Variants in CDH13 observed in about 807,000 individuals in gnomAD.
CDH13 encodes the protein cadherin 13.
In CDH13, 24 loss-of-function variants were observed where a neutral mutation model predicts 63.8. The observed-to-expected ratio is 0.38, with a 90% CI of 0.27 to 0.53. The LOEUF (loss-of-function observed/expected upper bound fraction) is 0.53, where lower values mean the gene tolerates loss of function less well. Ranked by LOEUF, CDH13 falls within the 20% of genes least tolerant of loss-of-function variation. CDH13 has a pLI of 0.85. For missense variants in CDH13, 1,049 were observed against 903.1 expected (o/e 1.16, Z -2.07); for synonymous variants, 503 against 355.3 (o/e 1.42, Z -4.67).
chr16:83,771,362 A>C (rs1415605968), intron 11 of CDH13, among the ~76,000 whole-genome samples: 7 of 152,206 alleles, frequency 4.6e-5, no homozygotes, highest in Admixed American at 4.6e-4. Context: ...TACAAGGTTA[A>C]TTATTGGAGT....
intron 2 of CDH13, among the ~76,000 whole-genome samples, chr16:82,872,297 A>T (rs1021705329): frequency 1.3e-5 from 2 of 152,188 alleles, no homozygotes; most frequent in Non-Finnish European, 2.9e-5. Flanking sequence ...CTTAATTAAG[A>T]CTATCAAATT....
chr16:83,169,697 G>A (rs981074412), intron 4 of CDH13, among the ~76,000 whole-genome samples: 6 of 152,060 alleles, frequency 3.9e-5, no homozygotes, highest in African/African-American at 1.4e-4. Context: ...TCTCTTGCCT[G>A]TCATATGTTT....
intron 5 of CDH13, among the ~76,000 whole-genome samples, chr16:83,292,194 G>A (rs192275283): frequency 4.6e-5 from 7 of 152,236 alleles, no homozygotes; most frequent in African/African-American, 1.4e-4. Flanking sequence ...ACATAGATAT[G>A]GGCAAAACCC....
intron 11 of CDH13, among the ~76,000 whole-genome samples, chr16:83,749,274 G>A (rs968261086): frequency 6.6e-6 from 1 of 152,038 alleles, no homozygotes; most frequent in African/African-American, 2.4e-5. Flanking sequence ...TCGTATGCCG[G>A]CTACTCACAC....
intron 3 of CDH13, among the ~76,000 whole-genome samples, chr16:83,091,375 A>G (rs1043709623): frequency 8.5e-5 from 13 of 152,154 alleles, no homozygotes; most frequent in East Asian, 3.9e-4. Flanking sequence ...TTCCCATTCA[A>G]TGTAGTTTGA....
chr16:83,611,537 G>T (rs1377524760), intron 8 of CDH13, among the ~76,000 whole-genome samples: 2 of 151,050 alleles, frequency 1.3e-5, no homozygotes, highest in East Asian at 1.9e-4. Context: ...GTGTTTCTTT[G>T]TTTTTTTCCT....
At chr16:82,857,335 T>C (rs1216382361) in intron 1 of CDH13, among the ~76,000 whole-genome samples, 3 of 152,196 alleles carry the variant, frequency 2.0e-5, no homozygotes, top group African/African-American at 4.8e-5. Context: ...GGCTCAAAAA[T>C]GGTAGCTTTC....
chr16:83,379,040 A>C lies in CDH13; in HGVS notation c.781+34034A>C, dbSNP rs1319315669. Among the ~76,000 whole-genome samples, 3 of 152,014 alleles carry C rather than the reference A, an allele frequency of 2.0e-5. No homozygotes were observed. In the South Asian group the frequency reaches 6.2e-4, roughly 32 times the overall value. On this transcript the variant is annotated intron_variant, in intron 6 of 13. Coordinates refer to ENST00000567109, the MANE Select transcript of CDH13 (RefSeq NM_001257.5). ...ACACACACACACGTGTGTGTATAAC[A>C]TATGCTTATCCTTGATGTCATATTT...
intron 5 of CDH13, among the ~76,000 whole-genome samples, chr16:83,237,970 G>A (rs538930588): frequency 1.6e-4 from 24 of 152,302 alleles, no homozygotes; most frequent in African/African-American, 5.3e-4. Flanking sequence ...TAGCCAGAAG[G>A]CAGAGGGCTA....
intron 5 of CDH13, among the ~76,000 whole-genome samples, chr16:83,223,813 A>G (rs1435741549): frequency 6.6e-6 from 1 of 152,208 alleles, no homozygotes; most frequent in African/African-American, 2.4e-5. Context: ...GTTGTCATCT[A>G]CCACATTGTG....
At chr16:83,375,501 G>A (rs1476982917) in intron 6 of CDH13, among the ~76,000 whole-genome samples, 2 of 152,316 alleles carry the variant, frequency 1.3e-5, no homozygotes, top group East Asian at 3.9e-4. Context: ...AGGACTCTGG[G>A]AACTTGAAGA....
At chr16:83,042,261 T>C (rs1917393435) in intron 3 of CDH13, among the ~76,000 whole-genome samples, 1 of 152,226 alleles carries the variant, frequency 6.6e-6, no homozygotes, top group Admixed American at 6.5e-5. Flanking sequence ...GCTTCATCTG[T>C]ATTTATAGCC....
chr16:82,650,069 G>GA (rs1910549135), intron 1 of CDH13, among the ~76,000 whole-genome samples: 2 of 152,142 alleles, frequency 1.3e-5, no homozygotes, highest in Non-Finnish European at 2.9e-5. Flanking sequence ...CTTAAAGAAT[G>GA]TTCTCTGAGA....
chr16:82,950,798 C>T (rs1905211362), intron 2 of CDH13, among the ~76,000 whole-genome samples: 1 of 150,490 alleles, frequency 6.6e-6, no homozygotes, highest in South Asian at 2.1e-4. Flanking sequence ...AGAGTTAGAA[C>T]TCCCACATCT....
chr16:82,801,098 G>A (rs778856046), intron 1 of CDH13, among the ~76,000 whole-genome samples: 3 of 152,132 alleles, frequency 2.0e-5, no homozygotes, highest in Admixed American at 6.5e-5. Flanking sequence ...TTAGACTCTA[G>A]AAAATGTTGG....
At position 83,049,323 on chromosome 16, in the gene CDH13, C is replaced by CACTTTTT. The variant is rs1192950905; in HGVS notation, c.366+17105_366+17106insACTTTTT. 2.0e-4 allele frequency among the ~76,000 whole-genome samples: 14 copies of CACTTTTT among 68,988 alleles called. 3 individuals are homozygous for CACTTTTT. The highest frequency in any genetic ancestry group is 1.8e-4 in the Non-Finnish European group (6 of 33,128). The allele number at this position is 68,988 out of a possible 152,430, so 45.3% of individuals were successfully genotyped here. ...CAATACTTGGGCATTTATGACTGGC[C>CACTTTTT]TCTTTTTTTTTTTTTTTTTTTTTGA... On this transcript the variant is annotated intron_variant, in intron 3 of 13. Coordinates refer to ENST00000567109, the MANE Select transcript of CDH13 (RefSeq NM_001257.5).
chr16:83,341,334 G>GGA (rs1397832777), intron 5 of CDH13, among the ~76,000 whole-genome samples: 2 of 152,336 alleles, frequency 1.3e-5, no homozygotes, highest in East Asian at 3.9e-4. Flanking sequence ...TCAAGAGCCT[G>GGA]ACTTCAGAAA....
chr16:82,883,729 A>G (rs918097943), intron 2 of CDH13, among the ~76,000 whole-genome samples: 3 of 152,248 alleles, frequency 2.0e-5, no homozygotes, highest in East Asian at 3.9e-4. Context: ...AGCAGCCTCT[A>G]ATATTTGCTG....
chr16:83,436,958 A>G (rs1380854143), intron 6 of CDH13, among the ~76,000 whole-genome samples: 2 of 152,164 alleles, frequency 1.3e-5, no homozygotes, highest in Non-Finnish European at 2.9e-5. Flanking sequence ...TTTTTAATGT[A>G]GGAGACTGGG....
Sources: gnomAD v4.1 joint callset for allele counts (sites outside exome capture counted in the v4.1 genomes callset) on GRCh38, gnomAD v4.1.1 for gene constraint, MANE v1.5 for transcripts, NCBI Gene and HGNC (gene_info 2026-07-23, HGNC 2026-07-21) for gene names.